The following MYO9A variants were observed in gnomAD, a reference collection of about 807,000 sequenced individuals.
The protein encoded by MYO9A is myosin IXA.
In MYO9A, 103 loss-of-function variants were observed where a neutral mutation model predicts 293.3. The ratio of observed to expected loss-of-function variants is 0.35; its 90% CI spans 0.30 to 0.41. The LOEUF (loss-of-function observed/expected upper bound fraction) is 0.41. Ranked by LOEUF, MYO9A falls within the 10% of genes least tolerant of loss-of-function variation. The pLI, the probability that MYO9A is intolerant of heterozygous loss-of-function variation, is 1.00. For missense variants in MYO9A, 2,685 were observed against 3,033.0 expected (o/e 0.89, Z 2.69); for synonymous variants, 1,001 against 1,035.7 (o/e 0.97, Z 0.64).
chr15:71,989,898 C>T (rs1195100850), intron 11 of MYO9A, among the ~76,000 whole-genome samples: 3 of 151,732 alleles, frequency 2.0e-5, no homozygotes, highest in Non-Finnish European at 4.4e-5. Context: ...GGTGTGGTGA[C>T]GTGCACCTGT....
chr15:71,967,853 A>G, intron 13 of MYO9A, 131 bp downstream of exon 13: 1 of 856,708 alleles, frequency 1.2e-6, no homozygotes, highest in Non-Finnish European at 1.6e-6. Context: ...AAGTTTTAGT[A>G]GTATCTTTAT....
intron 1 of MYO9A, among the ~76,000 whole-genome samples, chr15:72,110,130 G>A (rs1256673324): frequency 6.6e-6 from 1 of 151,044 alleles, no homozygotes; most frequent in Non-Finnish European, 1.5e-5. Context: ...GCTGTCTCAA[G>A]AAAAAAACAA....
At chr15:72,058,920 T>C (rs1478062209) in intron 1 of MYO9A, among the ~76,000 whole-genome samples, 1 of 152,224 alleles carries the variant, frequency 6.6e-6, no homozygotes, top group Non-Finnish European at 1.5e-5. Context: ...TTCTGTGCAG[T>C]GTTCTGCAGT....
intron 13 of MYO9A, among the ~76,000 whole-genome samples, chr15:71,960,567 A>G (rs2075714736): frequency 6.6e-6 from 1 of 152,230 alleles, no homozygotes; most frequent in African/African-American, 2.4e-5. Context: ...TTATAGAAAC[A>G]TAAGAATGGA....
At chr15:72,092,765 T>A (rs8039245) in intron 1 of MYO9A, among the ~76,000 whole-genome samples, 6,746 of 152,268 alleles carry the variant, frequency 0.044, 266 homozygotes, top group East Asian at 0.18. Context: ...ATGATTTTCA[T>A]GTCACAAATT....
intron 12 of MYO9A, among the ~76,000 whole-genome samples, chr15:71,975,428 T>TGTGTGTGTGTGTG (rs2076116955): frequency 2.0e-5 from 3 of 147,944 alleles, no homozygotes; most frequent in African/African-American, 5.0e-5. Context: ...TGTGTGTGTG[T>TGTGTGTGTGTGTG]AGGTTTTCGT....
At chr15:71,897,320 A>C in intron 25 of MYO9A, 141 bp downstream of exon 25, 2 of 897,404 alleles carry the variant, frequency 2.2e-6, no homozygotes, top group Admixed American at 4.7e-5. Context: ...GGTAGAGTCA[A>C]CAATTAGGGA....
intron 3 of MYO9A, 24 bp downstream of exon 3, chr15:72,032,470 C>A: frequency 6.9e-7 from 1 of 1,450,162 alleles, no homozygotes; most frequent in African/African-American, 1.4e-5. Flanking sequence ...CCAAAGCCTA[C>A]GCCTGCTAAG....
At chr15:72,108,762 A>T (rs377269111) in intron 1 of MYO9A, among the ~76,000 whole-genome samples, 23 of 139,232 alleles carry the variant, frequency 1.7e-4, no homozygotes, top group Non-Finnish European at 2.5e-4. Flanking sequence ...TGACACATAC[A>T]TTTTTTTTTT....
intron 1 of MYO9A, among the ~76,000 whole-genome samples, chr15:72,081,409 T>G (rs1279457371): frequency 6.6e-6 from 1 of 151,912 alleles, no homozygotes; most frequent in African/African-American, 2.4e-5. Flanking sequence ...TTTTAGCGGG[T>G]TTTCTTCTTG....
intron 34 of MYO9A, among the ~76,000 whole-genome samples, chr15:71,856,083 G>T (rs2055851914): frequency 6.6e-6 from 1 of 152,082 alleles, no homozygotes; most frequent in African/African-American, 2.4e-5. Flanking sequence ...GGCTGAGGTG[G>T]GTGGATCACC....
chr15:71,896,460 A>G (rs548644642), intron 25 of MYO9A, among the ~76,000 whole-genome samples: 30 of 152,146 alleles, frequency 2.0e-4, no homozygotes, highest in African/African-American at 7.2e-4. Flanking sequence ...TCTCATGACT[A>G]CCTCTAGTTT....
chr15:71,871,758 G>A (rs1257483723), intron 32 of MYO9A, among the ~76,000 whole-genome samples: 3 of 149,628 alleles, frequency 2.0e-5, no homozygotes, highest in African/African-American at 7.4e-5. Context: ...ATTTATCTAA[G>A]AAGGACAAAA....
chr15:71,826,708 T>C lies in MYO9A; in HGVS notation c.7519A>G (p.Asn2507Asp), dbSNP rs1202789051. The change falls in exon 42 of 42, where the codon AAC becomes GAC. Residue 2507 changes from asparagine to aspartate, a missense_variant. Coordinates refer to ENST00000356056, the MANE Select transcript of MYO9A (RefSeq NM_006901.4). ...GTCTCTTTGGTTTTCTGAGGTGAGT[T>C]TTTCACATTCTTTAATTTTTGTTTG... The part of the protein sequence containing the change: ...KGKQKLKNVK[N>D]SPQKTKETPE... The C allele has an allele frequency of 6.2e-7, 1 of 1,614,120 alleles. No individual in the cohort carries two copies. Among genetic ancestry groups the C allele is most frequent in the African/African-American group, 1.3e-5 (1 of 75,038 alleles).
At chr15:71,852,101 C>CT in intron 36 of MYO9A, 31 bp downstream of exon 36, 2 of 1,586,786 alleles carry the variant, frequency 1.3e-6, no homozygotes, top group South Asian at 2.3e-5. Context: ...AACTATAGGC[C>CT]TTCTCTCTAA....
At chr15:72,042,009 T>G (rs1417748523) in intron 2 of MYO9A, among the ~76,000 whole-genome samples, 1 of 142,176 alleles carries the variant, frequency 7.0e-6, no homozygotes, top group Non-Finnish European at 1.5e-5. Context: ...ATTCCAACAC[T>G]GACAGTAAAA....
intron 14 of MYO9A, among the ~76,000 whole-genome samples, chr15:71,956,330 AATATATAT>A (rs1555490832): frequency 2.6e-5 from 2 of 75,584 alleles, no homozygotes; most frequent in African/African-American, 1.2e-4. Flanking sequence ...AAAAAAAAAA[AATATATAT>A]ATATATATAT....
At chr15:71,893,241 T>C in intron 26 of MYO9A, 1 of 1,162,734 alleles carries the variant, frequency 8.6e-7, no homozygotes, top group African/African-American at 1.6e-5. Context: ...CTTTTTGAGA[T>C]GATGCCAATG....
intron 19 of MYO9A, 58 bp downstream of exon 19, chr15:71,916,312 T>G (rs2058010569): frequency 3.2e-6 from 5 of 1,576,914 alleles, no homozygotes; most frequent in Non-Finnish European, 4.3e-6. Flanking sequence ...CTTTAACCTT[T>G]CAATGACAAT....
Sources: gnomAD v4.1 joint callset for allele counts (sites outside exome capture counted in the v4.1 genomes callset) on GRCh38, gnomAD v4.1.1 for gene constraint, MANE v1.5 for transcripts, NCBI Gene and HGNC (gene_info 2026-07-23, HGNC 2026-07-21) for gene names.